The following EHHADH variants were observed in gnomAD, a reference collection of about 807,000 sequenced individuals.
EHHADH encodes enoyl-CoA hydratase and 3-hydroxyacyl CoA dehydrogenase.
EHHADH carries 48 observed loss-of-function variants against 64.4 expected under a neutral mutation model. The observed-to-expected ratio is 0.75, with a 90% CI of 0.59 to 0.95. EHHADH has a LOEUF of 0.95. Ranked by LOEUF, EHHADH falls within the 40% of genes least tolerant of loss-of-function variation. The probability of loss-of-function intolerance (pLI) is 0.00; values close to 1 mark genes in which losing one functional copy is unlikely to be tolerated. For missense variants in EHHADH, 854 were observed against 876.6 expected (o/e 0.97, Z 0.33); for synonymous variants, 308 against 326.7 (o/e 0.94, Z 0.62).
At chr3:185,233,534 T>A (rs572860471) in intron 3 of EHHADH, among the ~76,000 whole-genome samples, 39 of 152,316 alleles carry the variant, frequency 2.6e-4, no homozygotes, top group Middle Eastern at 3.4e-3. Context: ...TATTAAGTTC[T>A]CTAATTAAAA....
intron 2 of EHHADH, chr3:185,246,323 GT>G: frequency 1.3e-6 from 1 of 747,854 alleles, no homozygotes; most frequent in Admixed American, 3.0e-5. Flanking sequence ...CCAGACTTTT[GT>G]TTCTGAGGGC....
At chr3:185,209,801 AT>A (rs773922790) in intron 5 of EHHADH, among the ~76,000 whole-genome samples, 5 of 152,372 alleles carry the variant, frequency 3.3e-5, no homozygotes, top group Non-Finnish European at 7.3e-5. Flanking sequence ...TTCCCATATG[AT>A]GTTAAAGAAT....
At chr3:185,209,320 T>C (rs986932027) in intron 5 of EHHADH, among the ~76,000 whole-genome samples, 9 of 152,194 alleles carry the variant, frequency 5.9e-5, no homozygotes, top group Non-Finnish European at 1.2e-4. Flanking sequence ...GTATTATATA[T>C]GAAATTTTAA....
rs760318675 is a variant in EHHADH, at chr3:185,193,208, G to A, written c.1190C>T (p.Ser397Leu). 1 of 1,611,394 alleles carries A rather than the reference G, an allele frequency of 6.2e-7. No homozygotes were observed. Among genetic ancestry groups the A allele is most frequent in the Admixed American group, 1.7e-5 (1 of 59,544 alleles). Residue 397 changes from serine (S) to leucine (L), a missense_variant, in exon 7 of 7, where the codon TCA becomes TTA. Coordinates refer to ENST00000231887, the MANE Select transcript of EHHADH (RefSeq NM_001966.4). ...AAATGCTTCTGGTTTGCACACAGCT[G>A]AGAGTTCAGCAAAGACCTGCTTCTT... ...SLKKQVFAEL[S>L]AVCKPEAFLC...
intron 2 of EHHADH, among the ~76,000 whole-genome samples, chr3:185,244,769 G>C (rs956344516): frequency 2.6e-5 from 4 of 152,134 alleles, no homozygotes; most frequent in African/African-American, 9.7e-5. Context: ...GGCAAGGAAG[G>C]ATTCTTCCCT....
At chr3:185,199,421 C>A (rs1403945722) in intron 6 of EHHADH, among the ~76,000 whole-genome samples, 1 of 152,066 alleles carries the variant, frequency 6.6e-6, no homozygotes, top group Non-Finnish European at 1.5e-5. Context: ...CTTGGATTGG[C>A]TCCTAAAATC....
chr3:185,207,362 T>C (rs1560010041), intron 5 of EHHADH, among the ~76,000 whole-genome samples: 1 of 152,042 alleles, frequency 6.6e-6, no homozygotes, highest in Non-Finnish European at 1.5e-5. Context: ...TCTAATCATA[T>C]GAGTCCTTAA....
At chr3:185,253,855 G>C in intron 1 of EHHADH, 94 bp downstream of exon 1, 1 of 1,545,294 alleles carries the variant, frequency 6.5e-7, no homozygotes, top group Non-Finnish European at 8.8e-7. Context: ...TGTCCTTCTC[G>C]GTTTAAACCG....
intron 1 of EHHADH, among the ~76,000 whole-genome samples, chr3:185,252,357 G>A (rs1234655627): frequency 2.6e-5 from 4 of 151,062 alleles, no homozygotes; most frequent in African/African-American, 7.3e-5. Context: ...CTGAGATCAC[G>A]CCACTGCACT....
chr3:185,253,915 C>G (rs750162766), intron 1 of EHHADH, 34 bp downstream of exon 1: 2 of 1,612,118 alleles, frequency 1.2e-6, no homozygotes, highest in South Asian at 2.2e-5. Flanking sequence ...AAGGCCCGCA[C>G]GGTCCCCGGG....
intron 5 of EHHADH, among the ~76,000 whole-genome samples, chr3:185,206,375 A>G (rs1197670064): frequency 6.6e-6 from 1 of 152,148 alleles, no homozygotes; most frequent in African/African-American, 2.4e-5. Context: ...AACTAATACT[A>G]TAAAAATTCC....
chr3:185,246,392 C>A, intron 2 of EHHADH: 1 of 618,990 alleles, frequency 1.6e-6, no homozygotes, highest in East Asian at 3.9e-5. Flanking sequence ...TCTTCTTCTT[C>A]TTTTCTTCTT....
chr3:185,253,556 A>T (rs1417976429), intron 1 of EHHADH, among the ~76,000 whole-genome samples: 1 of 137,226 alleles, frequency 7.3e-6, no homozygotes, highest in Non-Finnish European at 1.5e-5. Flanking sequence ...GTACCCTAAA[A>T]CTTAAAGTAT....
chr3:185,236,068 A>G (rs989525163), intron 2 of EHHADH, among the ~76,000 whole-genome samples: 1 of 152,210 alleles, frequency 6.6e-6, no homozygotes, highest in African/African-American at 2.4e-5. Context: ...AATAACATGT[A>G]TTATGGAAAA....
intron 5 of EHHADH, among the ~76,000 whole-genome samples, chr3:185,214,965 T>A (rs1185457883): frequency 6.6e-6 from 1 of 152,192 alleles, no homozygotes; most frequent in African/African-American, 2.4e-5. Flanking sequence ...TGAGTAATTT[T>A]AAGCCTCTAT....
chr3:185,253,822 G>T, intron 1 of EHHADH, 127 bp downstream of exon 1: 3 of 1,413,160 alleles, frequency 2.1e-6, no homozygotes, highest in Middle Eastern at 1.9e-4. Flanking sequence ...TTCCTGGCAT[G>T]TACCAGTTGC....
chr3:185,214,783 A>G (rs974897629), intron 5 of EHHADH, among the ~76,000 whole-genome samples: 1 of 152,202 alleles, frequency 6.6e-6, no homozygotes, highest in African/African-American at 2.4e-5. Context: ...GTTCATTGAG[A>G]TTATCGTTTT....
At chr3:185,250,495 TA>T (rs11350339) in intron 1 of EHHADH, among the ~76,000 whole-genome samples, 101,359 of 152,100 alleles carry the variant, frequency 0.67, 35,750 homozygotes, top group Non-Finnish European at 0.79. Context: ...AGGAACTGCT[TA>T]AAAGGAAAAA....
intron 1 of EHHADH, among the ~76,000 whole-genome samples, chr3:185,250,826 C>A (rs1006958608): frequency 3.9e-5 from 6 of 152,172 alleles, no homozygotes; most frequent in Non-Finnish European, 8.8e-5. Context: ...AAATTCAGAA[C>A]CATTATATAA....
Sources: allele counts gnomAD v4.1 joint callset (sites outside exome capture counted in the v4.1 genomes callset), GRCh38; gene constraint gnomAD v4.1.1; transcripts MANE v1.5; gene names NCBI Gene and HGNC (gene_info 2026-07-23, HGNC 2026-07-21).